The following XDH variants were observed in gnomAD, a reference collection of about 807,000 sequenced individuals.
XDH encodes xanthine dehydrogenase.
XDH carries 138 observed loss-of-function variants against 156.1 expected under a neutral mutation model. The observed-to-expected ratio is 0.88, with a 90% CI of 0.77 to 1.02. The LOEUF is 1.02. Among genes scored for constraint, XDH ranks in the 50% least tolerant of loss-of-function variants. XDH has a pLI of 0.00. For synonymous variants in XDH, 669 were observed against 625.7 expected (o/e 1.07, Z -1.03); for missense variants, 1,849 against 1,684.9 (o/e 1.10, Z -1.71).
At chr2:31,390,985 A>T (rs932361764) in intron 6 of XDH, among the ~76,000 whole-genome samples, 1 of 152,206 alleles carries the variant, frequency 6.6e-6, no homozygotes, top group Admixed American at 6.5e-5. Context: ...AATTTTAATG[A>T]AGTCCAGCTT....
At chr2:31,370,309 T>C (rs771651331) in intron 18 of XDH, 46 bp downstream of exon 18, 2 of 1,605,626 alleles carry the variant, frequency 1.2e-6, no homozygotes, top group Non-Finnish European at 1.7e-6. Context: ...AATTAAAACT[T>C]CAATACTTAT....
intron 24 of XDH, among the ~76,000 whole-genome samples, chr2:31,359,916 G>T (rs186660184): frequency 1.3e-4 from 20 of 152,344 alleles, no homozygotes; most frequent in African/African-American, 4.6e-4. Context: ...GAAATAAGCA[G>T]GGATGGGGGA....
At chr2:31,344,761 G>A in intron 30 of XDH, 25 bp from the exon 31 acceptor site, 1 of 1,613,846 alleles carries the variant, frequency 6.2e-7, no homozygotes, top group South Asian at 1.1e-5. Flanking sequence ...TGGCCATCAG[G>A]CAGGTGAAGT....
At position 31,377,170 on chromosome 2, in the gene XDH, C is replaced by G. The variant is rs1294025866; in HGVS notation, c.1310G>C (p.Gly437Ala). 1.2e-6 allele frequency: 2 copies of G among 1,614,106 alleles called. No individual in the cohort carries two copies. Among genetic ancestry groups the G allele is most frequent in the African/African-American group, 1.3e-5 (1 of 75,020 alleles). The change falls in exon 14 of 36, where the codon GGC (glycine) becomes GCC (alanine). Residue 437 changes from glycine (G) to alanine (A), a missense_variant. Gly to Ala is a moderately conservative substitution (Grantham distance 60, BLOSUM62 0). Transcript: ENST00000379416. ...TCCTGGCTTGAATAAAACTCTCATG[C>G]CACTGGTTACCTTGGCAATGTCATC... ...REDDIAKVTS[G>A]MRVLFKPGTT...
rs148238150 is a variant in XDH, at chr2:31,345,526, C to T, written c.3352-790G>A. 4.8e-3 allele frequency among the ~76,000 whole-genome samples: 727 copies of T among 152,304 alleles called. 6 individuals are homozygous for T. Among genetic ancestry groups the T allele is most frequent in the African/African-American group, 0.017 (700 of 41,556 alleles). Reference sequence around the variant, plus strand: ...CCACCAAACGATTTACTGTGTCACACGCGCTATTTAGCACTTTGCATACAT... The same window carrying T: ...CCACCAAACGATTTACTGTGTCACATGCGCTATTTAGCACTTTGCATACAT... On this transcript the variant is annotated intron_variant, in intron 30 of 35. Coordinates refer to ENST00000379416, the MANE Select transcript of XDH (RefSeq NM_000379.4).
intron 6 of XDH, 93 bp from the exon 7 acceptor site, chr2:31,388,388 G>A: frequency 1.4e-6 from 2 of 1,395,390 alleles, no homozygotes; most frequent in Non-Finnish European, 2.0e-6. Flanking sequence ...GAACACTCCA[G>A]CTCTGACGCC....
At chr2:31,390,478 T>C (rs1225350032) in intron 6 of XDH, among the ~76,000 whole-genome samples, 1 of 152,252 alleles carries the variant, frequency 6.6e-6, no homozygotes, top group East Asian at 1.9e-4. Context: ...AGCATGCCTG[T>C]GCAGGTTTTC....
At position 31,372,239 on chromosome 2, in the gene XDH, G is replaced by A. The variant is rs756999209; in HGVS notation, c.1845C>T (p.His615=). Residue 615 remains histidine (H), a synonymous_variant, in exon 17 of 36, where the codon CAC becomes CAT. Transcript: ENST00000379416. Reference sequence around the variant, plus strand: ...GCGGTGTCACTCACTTGATCTTGGCGTGGGCCCGGGTGCTGGTGACCAGCC... The same window carrying A: ...GCGGTGTCACTCACTTGATCTTGGCATGGGCCCGGGTGCTGGTGACCAGCC... ...SLRLVTSTRA[H]AKIKSIDTSE... The A allele has an allele frequency of 2.0e-5, 32 of 1,614,106 alleles. No individual in the cohort carries two copies. Among genetic ancestry groups the A allele is most frequent in the Middle Eastern group, 1.6e-4 (1 of 6,084 alleles).
intron 35 of XDH, 102 bp downstream of exon 35, chr2:31,337,539 G>C: frequency 6.4e-7 from 1 of 1,566,332 alleles, no homozygotes; most frequent in Non-Finnish European, 8.8e-7. Flanking sequence ...GCCCGGTTAG[G>C]AGAGAGCCCA....
At chr2:31,386,670 T>A in intron 8 of XDH, 115 bp from the exon 9 acceptor site, 1 of 1,393,950 alleles carries the variant, frequency 7.2e-7, no homozygotes, top group South Asian at 1.2e-5. Flanking sequence ...TGAAAATATC[T>A]AACAGGAAGA....
At chr2:31,344,568 G>C (rs1685227807) in intron 31 of XDH, 116 bp downstream of exon 31, 2 of 1,183,750 alleles carry the variant, frequency 1.7e-6, no homozygotes, top group Admixed American at 1.7e-5. Flanking sequence ...CTGTTGAAGA[G>C]ATAAGTGGAG....
At chr2:31,402,786 T>C (rs1687096654) in intron 3 of XDH, among the ~76,000 whole-genome samples, 1 of 152,166 alleles carries the variant, frequency 6.6e-6, no homozygotes, top group Non-Finnish European at 1.5e-5. Context: ...GAAGAGCTAT[T>C]GAAGGGCTTT....
chr2:31,398,581 G>T lies in XDH; in HGVS notation c.425C>A (p.Ala142Asp). The change falls in exon 5 of 36, where the codon GCC becomes GAC. Residue 142 changes from alanine to aspartate, a missense_variant. Coordinates refer to ENST00000379416, the MANE Select transcript of XDH (RefSeq NM_000379.4). ...PEPTMEEIEN[A>D]FQGNLCRCTG... ...TGCCTGAAGGCCCATACCTTGGAAG[G>T]CATTCTCAATCTCCTCCATGGTGGG... 6.2e-7 allele frequency: 1 copy of T among 1,614,038 alleles called. No individual in the cohort carries two copies. The highest frequency in any genetic ancestry group is 8.5e-7 in the Non-Finnish European group (1 of 1,179,936).
In XDH at chr2:31,343,471, T is replaced by G. The variant is rs1323841663; in HGVS notation, c.3405-1174A>C. 1.4e-3 allele frequency among the ~76,000 whole-genome samples: 197 copies of G among 144,834 alleles called. 5 individuals carry two copies. The East Asian group carries it at 0.036, about 27-fold the overall frequency. On this transcript the variant is annotated intron_variant, in intron 31 of 35. Coordinates refer to ENST00000379416, the MANE Select transcript of XDH (RefSeq NM_000379.4). ...TATACATATATGCCTTATACATATA[T>G]GTATAATACATATATATGCCTTATA...
At chr2:31,395,084 C>A (rs1686866556) in intron 6 of XDH, among the ~76,000 whole-genome samples, 1 of 151,230 alleles carries the variant, frequency 6.6e-6, no homozygotes, top group Non-Finnish European at 1.5e-5. Context: ...TTTGACTATG[C>A]CTTATAATTT....
intron 25 of XDH, 30 bp downstream of exon 25, chr2:31,350,002 C>T (rs13419594): frequency 1.9e-6 from 3 of 1,613,126 alleles, no homozygotes; most frequent in Non-Finnish European, 2.5e-6. Context: ...CTAAAGCACT[C>T]TGACTTGTGC....
At chr2:31,378,158 G>GGAAA (rs1686321628) in intron 13 of XDH, among the ~76,000 whole-genome samples, 2 of 117,010 alleles carry the variant, frequency 1.7e-5, no homozygotes, top group Admixed American at 8.6e-5. Flanking sequence ...AAGGAAGGAA[G>GGAAA]GAAGGAAGGA....
chr2:31,397,857 G>T, intron 5 of XDH, 128 bp from the exon 6 acceptor site: 1 of 1,066,480 alleles, frequency 9.4e-7, no homozygotes, highest in South Asian at 1.3e-5. Flanking sequence ...CCTCTGTCTG[G>T]AAGGCCTCTT....
chr2:31,376,343 G>T (rs911282353), intron 14 of XDH, among the ~76,000 whole-genome samples: 4 of 149,954 alleles, frequency 2.7e-5, no homozygotes, highest in Admixed American at 6.7e-5. Context: ...ATGCCAAAAA[G>T]TAGCAGTCAT....
Sources: allele counts gnomAD v4.1 joint callset (sites outside exome capture counted in the v4.1 genomes callset), GRCh38; gene constraint gnomAD v4.1.1; transcripts MANE v1.5; gene names NCBI Gene and HGNC (gene_info 2026-07-23, HGNC 2026-07-21).